The following NWD2 variants were observed in gnomAD, a reference collection of about 807,000 sequenced individuals.
NWD2 encodes the protein NACHT and WD repeat domain containing 2.
NWD2 carries 37 observed loss-of-function variants against 132.7 expected under a neutral mutation model. The ratio of observed to expected loss-of-function variants is 0.28; its 90% CI spans 0.21 to 0.37. The LOEUF (loss-of-function observed/expected upper bound fraction) is 0.37. NWD2 is among the 10% of genes least tolerant of loss of function. The pLI, the probability that NWD2 is intolerant of heterozygous loss-of-function variation, is 1.00. For synonymous variants in NWD2, 705 were observed against 803.0 expected (o/e 0.88, Z 2.06); for missense variants, 1,592 against 2,122.4 (o/e 0.75, Z 4.91).
At position 37,445,868 on chromosome 4, in the gene NWD2, A is replaced by T; in HGVS notation, c.3880A>T (p.Thr1294Ser). 1 of 1,552,010 alleles carries T rather than the reference A, an allele frequency of 6.4e-7. No individual in the cohort carries two copies. The highest frequency in any genetic ancestry group is 8.7e-7 in the Non-Finnish European group (1 of 1,147,040). ...CCACAATATGCTACTGTCTTTATCAACCAGTGGTGTTCTTTCCATTTGGGA... is the reference window on the plus strand; with the variant it reads ...CCACAATATGCTACTGTCTTTATCATCCAGTGGTGTTCTTTCCATTTGGGA... ...SHHNMLLSLS[T>S]SGVLSIWDID... is the part of the protein sequence containing the mutation. Residue 1294 changes from threonine (T) to serine (S), a missense_variant, in exon 7 of 7, where the codon ACC becomes TCC. This residue lies in a region of NWD2 where 1,071 missense variants were observed against 1,398.0 expected (regional missense o/e 0.77). Transcript: ENST00000309447. The surrounding 1 kb of genome is among the most constrained non-coding windows in gnomAD (Gnocchi z 4.7).
At chr4:37,334,442 C>A (rs1395529656) in intron 2 of NWD2, among the ~76,000 whole-genome samples, 1 of 152,192 alleles carries the variant, frequency 6.6e-6, no homozygotes, top group East Asian at 1.9e-4. Context: ...ACATTCTAGT[C>A]ACTATATCTA....
At chr4:37,385,561 G>T (rs1414198313) in intron 3 of NWD2, among the ~76,000 whole-genome samples, 2 of 152,160 alleles carry the variant, frequency 1.3e-5, no homozygotes, top group African/African-American at 4.8e-5. Flanking sequence ...ATCATTCTGT[G>T]TGAGGACTGA....
intron 3 of NWD2, among the ~76,000 whole-genome samples, chr4:37,393,399 A>G (rs1458225592): frequency 6.6e-6 from 1 of 152,158 alleles, no homozygotes; most frequent in African/African-American, 2.4e-5. Context: ...CTTAATCAAG[A>G]CCTTTTGTTA....
At chr4:37,346,978 G>A (rs1719650273) in intron 2 of NWD2, among the ~76,000 whole-genome samples, 1 of 151,940 alleles carries the variant, frequency 6.6e-6, no homozygotes, top group African/African-American at 2.4e-5. Flanking sequence ...TTTCCTCTCA[G>A]TACTACTTTA....
chr4:37,282,359 C>T (rs1718145520), intron 1 of NWD2, among the ~76,000 whole-genome samples: 1 of 152,032 alleles, frequency 6.6e-6, no homozygotes, highest in Non-Finnish European at 1.5e-5. Context: ...TTCCCCTGAG[C>T]CTGCTTTACT....
intron 1 of NWD2, among the ~76,000 whole-genome samples, chr4:37,292,827 A>G (rs770971872): frequency 6.6e-6 from 1 of 151,934 alleles, no homozygotes; most frequent in Non-Finnish European, 1.5e-5. Flanking sequence ...CCAGTTCACC[A>G]TAGGGTTCGC....
chr4:37,309,689 G>A (rs1046282877), intron 1 of NWD2, among the ~76,000 whole-genome samples: 2 of 152,144 alleles, frequency 1.3e-5, no homozygotes, highest in African/African-American at 4.8e-5. Context: ...AGAATTGCAG[G>A]TGTCTGTGGT....
chr4:37,354,664 C>T (rs1204668924), intron 2 of NWD2, among the ~76,000 whole-genome samples: 2 of 152,184 alleles, frequency 1.3e-5, no homozygotes, highest in Non-Finnish European at 2.9e-5. Flanking sequence ...GGGGATTCTG[C>T]TTCCACTGAG....
chr4:37,339,592 C>A (rs1719477510), intron 2 of NWD2, among the ~76,000 whole-genome samples: 1 of 151,922 alleles, frequency 6.6e-6, no homozygotes, highest in Non-Finnish European at 1.5e-5. Context: ...AGAGGGTTGC[C>A]CATTTGCAGG....
At chr4:37,309,686 C>T (rs551993490) in intron 1 of NWD2, among the ~76,000 whole-genome samples, 35 of 152,236 alleles carry the variant, frequency 2.3e-4, no homozygotes, top group African/African-American at 7.7e-4. Flanking sequence ...GCTAGAATTG[C>T]AGGTGTCTGT....
chr4:37,406,952 GA>G (rs1721054565), intron 3 of NWD2, among the ~76,000 whole-genome samples: 1 of 152,042 alleles, frequency 6.6e-6, no homozygotes, highest in Admixed American at 6.6e-5. Flanking sequence ...GATGAGGCTG[GA>G]AGCCATCATT....
intron 2 of NWD2, among the ~76,000 whole-genome samples, chr4:37,330,272 C>G (rs921137250): frequency 6.6e-6 from 1 of 152,072 alleles, no homozygotes; most frequent in Non-Finnish European, 1.5e-5. Flanking sequence ...GAGATGGAAA[C>G]AGTTCACTGG....
At chr4:37,372,739 C>T (rs977058153) in intron 3 of NWD2, among the ~76,000 whole-genome samples, 3 of 152,194 alleles carry the variant, frequency 2.0e-5, no homozygotes, top group African/African-American at 7.2e-5. Flanking sequence ...GATCTACTGC[C>T]GCGTATCTTA....
intron 1 of NWD2, among the ~76,000 whole-genome samples, chr4:37,303,308 ATC>A (rs1205956890): frequency 6.6e-6 from 1 of 152,158 alleles, no homozygotes; most frequent in Non-Finnish European, 1.5e-5. Flanking sequence ...ACATCGGTGT[ATC>A]TCTCTGTTTT....
intron 3 of NWD2, among the ~76,000 whole-genome samples, chr4:37,365,747 T>C (rs757954322): frequency 6.6e-6 from 1 of 152,236 alleles, no homozygotes; most frequent in Non-Finnish European, 1.5e-5. Context: ...TTATTGCTAA[T>C]ATATTAAGTA....
rs5857564 is a variant in NWD2, at chr4:37,389,785, AT to A, written c.357+33314del. ...GTAAAATTAATATCAAATCATACGC[AT>A]TTTTTTTTTTACACAATGGAGTCTT... On this transcript the variant is annotated intron_variant, in intron 3 of 6. Transcript: ENST00000309447. Among the ~76,000 whole-genome samples, 1,398 of 149,312 alleles carry A rather than the reference AT, an allele frequency of 9.4e-3. 27 individuals are homozygous for A. Among genetic ancestry groups the A allele is most frequent in the African/African-American group, 0.032 (1,301 of 40,810 alleles).
Position 37,245,047 on chromosome 4 carries a change from G to A in NWD2, c.-21G>A. ...AGCAGGAGGTGGCGGCGGCGGCAGT[G>A]GCTGTTCCTCCCAGAGGGCGATGTG... On this transcript the variant is annotated 5_prime_UTR_variant, in exon 1 of 7. Coordinates refer to ENST00000309447, the MANE Select transcript of NWD2 (RefSeq NM_001144990.2). The A allele has an allele frequency of 6.5e-7, 1 of 1,542,954 alleles. No homozygotes were observed. Among genetic ancestry groups the A allele is most frequent in the Non-Finnish European group, 8.7e-7 (1 of 1,146,310 alleles).
At chr4:37,295,201 G>T (rs1577658719) in intron 1 of NWD2, among the ~76,000 whole-genome samples, 1 of 152,134 alleles carries the variant, frequency 6.6e-6, no homozygotes, top group African/African-American at 2.4e-5. Context: ...TTGTCAGAGT[G>T]TGTTGGTGTC....
chr4:37,264,622 G>C (rs1419084992), intron 1 of NWD2, among the ~76,000 whole-genome samples: 2 of 152,064 alleles, frequency 1.3e-5, no homozygotes, highest in African/African-American at 4.8e-5. Context: ...AAAAATAAAT[G>C]CTCTTAACAT....
Sources: gnomAD v4.1 joint callset for allele counts (sites outside exome capture counted in the v4.1 genomes callset) on GRCh38, gnomAD v4.1.1 for gene constraint, gnomAD v4.1.1 regional missense constraint, Gnocchi (gnomAD v3.1) non-coding constraint, MANE v1.5 for transcripts, NCBI Gene and HGNC (gene_info 2026-07-23, HGNC 2026-07-21) for gene names.